Variants in MGST1 observed in about 807,000 individuals in gnomAD.
MGST1 encodes glutathione S-transferase 12.
In MGST1, 5 loss-of-function variants were observed where a neutral mutation model predicts 8.9. That is an observed-to-expected ratio of 0.56 (90% CI 0.29 to 1.19). MGST1 has a LOEUF of 1.19. MGST1 is among the 50% of genes most tolerant of loss of function. The pLI, the probability that MGST1 is intolerant of heterozygous loss-of-function variation, is 0.08. For missense variants in MGST1, 182 were observed against 187.4 expected (o/e 0.97, Z 0.17); for synonymous variants, 54 against 67.8 (o/e 0.80, Z 1.00).
chr12:16,460,376 A>G (rs1375742585), intron 4 of MGST1, among the ~76,000 whole-genome samples: 1 of 152,110 alleles, frequency 6.6e-6, no homozygotes. Flanking sequence ...GGAGGGTTAG[A>G]GTTCACGGAA....
At chr12:16,538,904 G>A (rs927089312) in intron 4 of MGST1, among the ~76,000 whole-genome samples, 7 of 151,896 alleles carry the variant, frequency 4.6e-5, no homozygotes, top group South Asian at 4.1e-4. Flanking sequence ...CACTGCACCC[G>A]GCCGAAAGGC....
At position 16,512,500 on chromosome 12, in the gene MGST1, T is replaced by G. The variant is rs566360666; in HGVS notation, n.483-77028T>G. On this transcript the variant is annotated intron_variant and non_coding_transcript_variant, in intron 4 of 4. Transcript: ENST00000538857. ...TACTCACTGTGATACCTATTACCAA[T>G]AAAACAATGTAAAAACAACTTCAAA... Among the ~76,000 whole-genome samples, 16 of 152,356 alleles carry G rather than the reference T, an allele frequency of 1.1e-4. No individual in the cohort carries two copies. The South Asian group carries it at 2.9e-3, about 28-fold the overall frequency.
chr12:16,590,330 G>T (rs2052769286), downstream of MGST1, among the ~76,000 whole-genome samples: 1 of 151,992 alleles, frequency 6.6e-6, no homozygotes, highest in South Asian at 2.1e-4. Context: ...GTCTCATCAA[G>T]AATGTAATTC....
chr12:16,405,416 A>C (rs575151457), intron 1 of MGST1, among the ~76,000 whole-genome samples: 3 of 152,268 alleles, frequency 2.0e-5, no homozygotes, highest in Admixed American at 2.0e-4. Context: ...AAATTCAATC[A>C]GTAATGAACA....
chr12:16,414,569 C>T (rs567279362), intron 1 of MGST1, among the ~76,000 whole-genome samples: 2 of 151,854 alleles, frequency 1.3e-5, no homozygotes, highest in East Asian at 3.9e-4. Flanking sequence ...GTGCCCGCCA[C>T]CATGCCCGGC....
At chr12:16,556,026 A>C (rs2137285914) in intron 4 of MGST1, among the ~76,000 whole-genome samples, 1 of 152,268 alleles carries the variant, frequency 6.6e-6, no homozygotes, top group South Asian at 2.1e-4. Context: ...TCTCTCCCGT[A>C]GCTCCGGACA....
At chr12:16,467,271 T>C (rs967084792) in intron 4 of MGST1, among the ~76,000 whole-genome samples, 13 of 152,184 alleles carry the variant, frequency 8.5e-5, no homozygotes, top group Non-Finnish European at 1.3e-4. Context: ...CAGAGTACAA[T>C]TCAGACAACT....
At chr12:16,360,715 A>C (rs990784623) in intron 3 of MGST1, among the ~76,000 whole-genome samples, 1 of 152,198 alleles carries the variant, frequency 6.6e-6, no homozygotes, top group African/African-American at 2.4e-5. Context: ...GACAGGAGAG[A>C]CATTTAGAAT....
chr12:16,499,595 A>G lies in MGST1; in HGVS notation n.483-89933A>G, dbSNP rs1941492123. On this transcript the variant is annotated intron_variant and non_coding_transcript_variant, in intron 4 of 4. Coordinates refer to the MGST1 transcript ENST00000538857. ...CAATATCTGCACCGAACAAAGAGAC[A>G]AGAAACAAAGTTGTCGTGTCTCAGT... Among the ~76,000 whole-genome samples the G allele has an allele frequency of 2.0e-5, 3 of 152,186 alleles. No individual in the cohort carries two copies. In the South Asian group the frequency reaches 6.2e-4, roughly 32 times the overall value.
At chr12:16,543,421 G>T (rs953063880) in intron 4 of MGST1, among the ~76,000 whole-genome samples, 2 of 151,980 alleles carry the variant, frequency 1.3e-5, no homozygotes, top group South Asian at 2.1e-4. Context: ...TGCCTTGTTT[G>T]CTTGTTGAGT....
rs1374269011 is a variant in MGST1 at position 16,389,142 on chromosome 12, A to G, written n.778+5538A>G. On this transcript the variant is annotated intron_variant and non_coding_transcript_variant, in intron 1 of 1. Transcript: ENST00000359720. The surrounding 1 kb of genome is among the most constrained non-coding windows in gnomAD (Gnocchi z 4.6). ...CTGGGATTCGTTTTAATAATTAGCC[A>G]TAGTGACACCTAGGTGATAGATAAT... Among the ~76,000 whole-genome samples the G allele has an allele frequency of 1.3e-5, 2 of 152,240 alleles. No homozygotes were observed. The highest frequency in any genetic ancestry group is 2.1e-4 in the South Asian group (1 of 4,836).
chr12:16,385,884 A>C (rs965429458), intron 1 of MGST1, among the ~76,000 whole-genome samples: 1 of 152,134 alleles, frequency 6.6e-6, no homozygotes, highest in African/African-American at 2.4e-5. Flanking sequence ...CTTAAGAGTC[A>C]AGTCTATTTG....
At chr12:16,400,909 A>G (rs1163397627) in intron 1 of MGST1, 7 of 1,246,964 alleles carry the variant, frequency 5.6e-6, no homozygotes, top group Admixed American at 3.4e-5. Context: ...TAGATTTGTG[A>G]GCTTTCTGAA....
chr12:16,418,111 C>T (rs2062489075), intron 1 of MGST1, among the ~76,000 whole-genome samples: 1 of 152,144 alleles, frequency 6.6e-6, no homozygotes, highest in Admixed American at 6.6e-5. Flanking sequence ...GCAAAGGGAA[C>T]TCACAATTAC....
At chr12:16,593,206 T>C (rs572752962), downstream of MGST1, among the ~76,000 whole-genome samples, 1 of 152,038 alleles carries the variant, frequency 6.6e-6, no homozygotes, top group Admixed American at 6.6e-5. This position sits in a 1 kb window ranked among gnomAD's most constrained non-coding sequence, Gnocchi z 4.2. Flanking sequence ...GCATTAGTGA[T>C]AACAATTTTA....
At chr12:16,364,646 A>T (rs971727615), downstream of MGST1, among the ~76,000 whole-genome samples, 1 of 152,160 alleles carries the variant, frequency 6.6e-6, no homozygotes, top group African/African-American at 2.4e-5. This position sits in a 1 kb window ranked among gnomAD's most constrained non-coding sequence, Gnocchi z 5.7. Context: ...TTTCCTATGA[A>T]CAAGACATTC....
At chr12:16,573,072 G>GA (rs1942872220) in intron 4 of MGST1, among the ~76,000 whole-genome samples, 2 of 151,470 alleles carry the variant, frequency 1.3e-5, no homozygotes, top group South Asian at 2.1e-4. Flanking sequence ...TAAAAGGAAA[G>GA]AAAAAATACC....
intron 4 of MGST1, among the ~76,000 whole-genome samples, chr12:16,580,186 C>A (rs7310571): frequency 8.0e-4 from 122 of 152,184 alleles, no homozygotes; most frequent in African/African-American, 2.7e-3. Flanking sequence ...GGCTGGCCTC[C>A]AACTCCTGGG....
intron 4 of MGST1, among the ~76,000 whole-genome samples, chr12:16,521,737 G>C (rs895100353): frequency 3.3e-5 from 5 of 152,080 alleles, no homozygotes; most frequent in African/African-American, 1.2e-4. Flanking sequence ...TAACATCAAA[G>C]TGAGAAGAGA....
Sources: allele counts gnomAD v4.1 joint callset (sites outside exome capture counted in the v4.1 genomes callset), GRCh38; gene constraint gnomAD v4.1.1; non-coding constraint Gnocchi (gnomAD v3.1); transcripts MANE v1.5; gene names NCBI Gene and HGNC (gene_info 2026-07-23, HGNC 2026-07-21).